The following ATP6V1A variants were observed in gnomAD, a reference collection of about 807,000 sequenced individuals.
ATP6V1A encodes the protein ATPase H+ transporting V1 subunit A.
ATP6V1A carries 18 observed loss-of-function variants against 70.1 expected under a neutral mutation model. The observed-to-expected ratio is 0.26, with a 90% CI of 0.18 to 0.38. ATP6V1A has a LOEUF of 0.38. ATP6V1A is among the 10% of genes least tolerant of loss of function. The pLI, the probability that ATP6V1A is intolerant of heterozygous loss-of-function variation, is 1.00. For missense variants in ATP6V1A, 424 were observed against 772.4 expected (o/e 0.55, Z 5.35); for synonymous variants, 232 against 253.8 (o/e 0.91, Z 0.82).
chr3:113,800,014 C>T (rs1248017316), intron 12 of ATP6V1A, among the ~76,000 whole-genome samples: 3 of 152,028 alleles, frequency 2.0e-5, no homozygotes, highest in South Asian at 2.1e-4. Flanking sequence ...GGCAGATCAA[C>T]GAGGTCAGGA....
In ATP6V1A at chr3:113,768,984, C is replaced by T. The variant is rs77823509; in HGVS notation, c.-13-9757C>T. On this transcript the variant is annotated intron_variant, in intron 1 of 14. Coordinates refer to ENST00000273398, the MANE Select transcript of ATP6V1A (RefSeq NM_001690.4). ...TGGTTAGAACATCATTTATTATGTG[C>T]TTATTTCCAAAGCAGTCGAGGGAAC... 4.6e-3 allele frequency among the ~76,000 whole-genome samples: 702 copies of T among 152,228 alleles called. 15 individuals are homozygous for T. The highest frequency in any genetic ancestry group is 0.034 in the Admixed American group (514 of 15,288).
intron 1 of ATP6V1A, among the ~76,000 whole-genome samples, chr3:113,749,577 A>C (rs1708562437): frequency 6.6e-6 from 1 of 152,074 alleles, no homozygotes; most frequent in African/African-American, 2.4e-5. Flanking sequence ...ACTACTAATC[A>C]TCATCATCAT....
chr3:113,787,010 G>T (rs775936640), intron 6 of ATP6V1A, among the ~76,000 whole-genome samples: 8 of 152,072 alleles, frequency 5.3e-5, no homozygotes, highest in Non-Finnish European at 1.2e-4. Flanking sequence ...AAACTTCTGA[G>T]CTCAAGTGAT....
At chr3:113,809,150 G>C (rs1390078464) in intron 14 of ATP6V1A, among the ~76,000 whole-genome samples, 185 bp from the exon 15 acceptor site, 3 of 152,096 alleles carry the variant, frequency 2.0e-5, no homozygotes, top group African/African-American at 7.2e-5. Context: ...AACTACTTGG[G>C]AGGCTGAGGC....
At chr3:113,780,269 A>G (rs949225800) in intron 2 of ATP6V1A, among the ~76,000 whole-genome samples, 3 of 152,226 alleles carry the variant, frequency 2.0e-5, no homozygotes, top group East Asian at 1.9e-4. Flanking sequence ...ACATAGTTCT[A>G]ATCAGTTGTA....
Position 113,784,779 on chromosome 3 carries a change from A to T in ATP6V1A, c.510A>T (p.Pro170=). 6.2e-7 allele frequency: 1 copy of T among 1,614,134 alleles called. No homozygotes were observed. Among genetic ancestry groups the T allele is most frequent in the Non-Finnish European group, 8.5e-7 (1 of 1,179,982 alleles). The part of the protein sequence containing the change: ...SLIKHKIMLP[P]RNRGTVTYIA... ...TCAAACACAAAATCATGTTACCCCC[A>T]CGAAACAGAGGAACTGTAACTTACA... The change falls in exon 5 of 15, where the codon CCA becomes CCT. Residue 170 remains proline (P), a synonymous_variant. Transcript: ENST00000273398.
At chr3:113,808,163 A>G (rs1335244538) in intron 14 of ATP6V1A, among the ~76,000 whole-genome samples, 1 of 151,030 alleles carries the variant, frequency 6.6e-6, no homozygotes, top group Admixed American at 6.6e-5. Flanking sequence ...AGAAAAGAAA[A>G]TTTCCAGTTA....
At chr3:113,783,478 G>A (rs62268170) in intron 3 of ATP6V1A, among the ~76,000 whole-genome samples, 4,517 of 152,200 alleles carry the variant, frequency 0.03, 105 homozygotes, top group Non-Finnish European at 0.042. Flanking sequence ...TTTTGTCCAA[G>A]TACTAATACC....
chr3:113,772,113 G>C (rs190316075), intron 1 of ATP6V1A, among the ~76,000 whole-genome samples: 10 of 152,328 alleles, frequency 6.6e-5, no homozygotes, highest in African/African-American at 1.9e-4. Context: ...AGTGATTGTT[G>C]CTTGTGAGAG....
At chr3:113,800,022 G>C (rs1398253729) in intron 12 of ATP6V1A, among the ~76,000 whole-genome samples, 1 of 152,050 alleles carries the variant, frequency 6.6e-6, no homozygotes, top group Non-Finnish European at 1.5e-5. Flanking sequence ...AACGAGGTCA[G>C]GAGTTCAAGA....
chr3:113,765,117 TAGCA>T (rs1158047895), intron 1 of ATP6V1A, among the ~76,000 whole-genome samples: 2 of 152,170 alleles, frequency 1.3e-5, no homozygotes, highest in African/African-American at 4.8e-5. Flanking sequence ...TTTTTAATAG[TAGCA>T]AAGTTGTATC....
At chr3:113,795,650 GTGTTCTGTAGTTTCTA>G (rs2108038604) in intron 10 of ATP6V1A, among the ~76,000 whole-genome samples, 1 of 151,952 alleles carries the variant, frequency 6.6e-6, no homozygotes, top group African/African-American at 2.4e-5. Flanking sequence ...ATAATAGAAG[GTGTTCTGTAGTTTCTA>G]TTGTTGTTTA....
chr3:113,773,871 A>G (rs1708878697), intron 1 of ATP6V1A, among the ~76,000 whole-genome samples: 1 of 152,176 alleles, frequency 6.6e-6, no homozygotes, highest in African/African-American at 2.4e-5. Flanking sequence ...GAGAGCACAT[A>G]TGTCACCTTA....
At chr3:113,782,805 G>A (rs1708994292) in intron 3 of ATP6V1A, among the ~76,000 whole-genome samples, 2 of 151,538 alleles carry the variant, frequency 1.3e-5, no homozygotes, top group Non-Finnish European at 2.9e-5. Context: ...TGTATTTTTA[G>A]TAGAGATGGG....
At position 113,809,505 on chromosome 3, in the gene ATP6V1A, C is replaced by G; in HGVS notation, c.*78C>G. On this transcript the variant is annotated 3_prime_UTR_variant, in exon 15 of 15. Coordinates refer to ENST00000273398, the MANE Select transcript of ATP6V1A (RefSeq NM_001690.4). ...GTATATTTTCCTGAATTTCTCATCT[C>G]AAACCCTTTGCTTCTTTATTGTGCA... is the stretch of plus-strand genomic sequence containing the variant. The G allele has an allele frequency of 7.6e-7, 1 of 1,317,486 alleles. No homozygotes were observed. The highest frequency in any genetic ancestry group is 1.1e-6 in the Non-Finnish European group (1 of 937,266). The allele number at this position is 1,317,486 out of a possible 1,614,324, so 81.6% of individuals were successfully genotyped here. A position where few individuals can be genotyped will look rare whatever the true frequency, so the allele number is the denominator to read the frequency against.
chr3:113,807,603 CT>C (rs920728926), intron 14 of ATP6V1A, among the ~76,000 whole-genome samples: 1 of 152,072 alleles, frequency 6.6e-6, no homozygotes, highest in African/African-American at 2.4e-5. Flanking sequence ...TGGAGAAATG[CT>C]TATGGCACAG....
chr3:113,783,144 C>T (rs1170381024), intron 3 of ATP6V1A, among the ~76,000 whole-genome samples: 1 of 151,972 alleles, frequency 6.6e-6, no homozygotes, highest in Non-Finnish European at 1.5e-5. Flanking sequence ...CTTTTTTTTA[C>T]AGCCATATAA....
At chr3:113,748,754 A>G (rs1708551905) in intron 1 of ATP6V1A, among the ~76,000 whole-genome samples, 1 of 152,222 alleles carries the variant, frequency 6.6e-6, no homozygotes, top group South Asian at 2.1e-4. Flanking sequence ...AATGAAGATT[A>G]CTACTATCTC....
chr3:113,772,584 C>G (rs986937434), intron 1 of ATP6V1A, among the ~76,000 whole-genome samples: 2 of 151,804 alleles, frequency 1.3e-5, no homozygotes, highest in African/African-American at 4.8e-5. Flanking sequence ...AAAAATTAGC[C>G]GGGCGTGGTG....
Sources: allele counts gnomAD v4.1 joint callset (sites outside exome capture counted in the v4.1 genomes callset), GRCh38; gene constraint gnomAD v4.1.1; transcripts MANE v1.5; gene names NCBI Gene and HGNC (gene_info 2026-07-23, HGNC 2026-07-21).